Variants in DPYD observed in about 807,000 individuals in gnomAD.
The protein encoded by DPYD is dihydropyrimidine dehydrogenase.
DPYD carries 109 observed loss-of-function variants against 116.2 expected under a neutral mutation model. The ratio of observed to expected loss-of-function variants is 0.94; its 90% CI spans 0.80 to 1.10. DPYD has a LOEUF of 1.10. Ranked by LOEUF, DPYD falls within the 50% of genes least tolerant of loss-of-function variation. The pLI is 0.00. For synonymous variants in DPYD, 440 were observed against 432.0 expected, an observed-to-expected ratio of 1.02 and a Z score of -0.23; for missense variants, 1,302 against 1,254.5, an observed-to-expected ratio of 1.04 and a Z score of -0.57.
chr1:97,824,672 T>G, intron 3 of DPYD, among the ~76,000 whole-genome samples: 1 of 152,072 alleles, frequency 6.6e-6, no homozygotes. Context: ...AGGAATTCCA[T>G]TCCCCTGTCC....
chr1:97,421,913 A>T (rs1674606760), intron 14 of DPYD, among the ~76,000 whole-genome samples: 1 of 152,174 alleles, frequency 6.6e-6, no homozygotes, highest in Non-Finnish European at 1.5e-5. Context: ...CGAGTGAAAT[A>T]GTCAGGCATA....
chr1:97,267,326 C>G (rs1039094980), intron 18 of DPYD, among the ~76,000 whole-genome samples: 9 of 152,072 alleles, frequency 5.9e-5, no homozygotes, highest in Non-Finnish European at 1.0e-4. Context: ...GCATAAATGT[C>G]TTCTTTTGAG....
intron 8 of DPYD, among the ~76,000 whole-genome samples, chr1:97,649,230 T>A (rs1658442632): frequency 6.6e-6 from 1 of 152,060 alleles, no homozygotes; most frequent in African/African-American, 2.4e-5. Flanking sequence ...CCTAGAGAAG[T>A]AAATACTAAA....
intron 16 of DPYD, chr1:97,322,582 C>G (rs950680678): frequency 6.6e-6 from 1 of 151,874 alleles, no homozygotes; most frequent in African/African-American, 2.4e-5. Context: ...TATCTAAAAT[C>G]TTTAGCAATC....
At chr1:97,761,961 T>C (rs1665598699) in intron 3 of DPYD, among the ~76,000 whole-genome samples, 1 of 152,008 alleles carries the variant, frequency 6.6e-6, no homozygotes, top group Admixed American at 6.6e-5. Flanking sequence ...ACACTGAGTA[T>C]ATATGAGCAC....
At chr1:97,693,043 C>A (rs1430462349) in intron 6 of DPYD, among the ~76,000 whole-genome samples, 1 of 151,872 alleles carries the variant, frequency 6.6e-6, no homozygotes, top group Admixed American at 6.6e-5. Context: ...GTAATTCCAG[C>A]ACTTTGGGAG....
chr1:97,594,675 T>A (rs915403770), intron 9 of DPYD, among the ~76,000 whole-genome samples: 1 of 152,174 alleles, frequency 6.6e-6, no homozygotes, highest in Non-Finnish European at 1.5e-5. Flanking sequence ...ATAAAATTAC[T>A]GTTTAAGAGA....
chr1:97,761,607 G>A (rs906949387), intron 3 of DPYD, among the ~76,000 whole-genome samples: 16 of 152,080 alleles, frequency 1.1e-4, no homozygotes, highest in Admixed American at 1.0e-3. Context: ...ATTGTGGAAA[G>A]CAGTGTGGCA....
At chr1:97,383,457 C>G (rs1247870939) in intron 14 of DPYD, among the ~76,000 whole-genome samples, 1 of 135,432 alleles carries the variant, frequency 7.4e-6, no homozygotes, top group Non-Finnish European at 1.5e-5. Context: ...GCCTGGGCAA[C>G]AGAGCGAGAC....
chr1:97,178,525 T>G (rs1179475345), intron 20 of DPYD, among the ~76,000 whole-genome samples: 2 of 152,078 alleles, frequency 1.3e-5, no homozygotes, highest in Non-Finnish European at 2.9e-5. Flanking sequence ...AACTCACTCA[T>G]TCTCATGAGG....
chr1:97,512,454 T>C (rs1647871229), intron 13 of DPYD, among the ~76,000 whole-genome samples: 1 of 151,920 alleles, frequency 6.6e-6, no homozygotes, highest in Admixed American at 6.6e-5. Flanking sequence ...TGATTTAGGA[T>C]AGAAATAAAT....
intron 4 of DPYD, among the ~76,000 whole-genome samples, chr1:97,738,901 C>G (rs897296835): frequency 1.3e-5 from 2 of 151,944 alleles, no homozygotes; most frequent in Non-Finnish European, 2.9e-5. Flanking sequence ...ACCTAAGAAT[C>G]CTTTTTGTCT....
intron 3 of DPYD, among the ~76,000 whole-genome samples, chr1:97,786,084 A>G (rs969262634): frequency 5.3e-5 from 8 of 151,944 alleles, no homozygotes; most frequent in Non-Finnish European, 8.8e-5. Flanking sequence ...AAAAAAAAAA[A>G]AAAGAAAGAA....
At chr1:97,908,045 T>C (rs952512570) in intron 1 of DPYD, among the ~76,000 whole-genome samples, 6 of 151,992 alleles carry the variant, frequency 3.9e-5, no homozygotes, top group Non-Finnish European at 7.4e-5. Context: ...TCTTTTCATT[T>C]TTTTCCCCTT....
At chr1:97,109,451 C>T (rs1651431034) in intron 20 of DPYD, among the ~76,000 whole-genome samples, 1 of 151,858 alleles carries the variant, frequency 6.6e-6, no homozygotes, top group Admixed American at 6.6e-5. Context: ...GGGCAAAAAC[C>T]AATGAGGGAA....
At chr1:97,297,219 G>A (rs933583886) in intron 18 of DPYD, among the ~76,000 whole-genome samples, 2 of 152,164 alleles carry the variant, frequency 1.3e-5, no homozygotes, top group Non-Finnish European at 1.5e-5. Context: ...AGCAAGTAAA[G>A]TTAAGCTGGC....
intron 19 of DPYD, among the ~76,000 whole-genome samples, chr1:97,223,836 C>G (rs1660937735): frequency 6.6e-6 from 1 of 151,984 alleles, no homozygotes; most frequent in Admixed American, 6.6e-5. Flanking sequence ...TATTAAAGTT[C>G]TCCCTTCAAA....
rs547233222 is a variant in DPYD at position 97,494,508 on chromosome 1, G to A, written c.1740+21218C>T. Among the ~76,000 whole-genome samples the A allele has an allele frequency of 1.1e-4, 17 of 152,140 alleles. No homozygotes were observed. The South Asian group carries it at 2.5e-3, about 22-fold the overall frequency. On this transcript the variant is annotated intron_variant, in intron 13 of 22. Coordinates refer to ENST00000370192, the MANE Select transcript of DPYD (RefSeq NM_000110.4). ...CTGTCTTTTTCCTCTTAACACAGGC[G>A]GTTCTAGGACTCCTACAGTTTATAA...
chr1:97,255,536 G>C (rs1663394286), intron 18 of DPYD, among the ~76,000 whole-genome samples: 1 of 152,086 alleles, frequency 6.6e-6, no homozygotes, highest in Non-Finnish European at 1.5e-5. Context: ...ATTCATGTAA[G>C]TTGTGACTTG....
Sources: gnomAD v4.1 joint callset for allele counts (sites outside exome capture counted in the v4.1 genomes callset) on GRCh38, gnomAD v4.1.1 for gene constraint, MANE v1.5 for transcripts, NCBI Gene and HGNC (gene_info 2026-07-23, HGNC 2026-07-21) for gene names.